ABCA1: variants seen among roughly 807,000 people sequenced by gnomAD.
ABCA1 encodes phospholipid-transporting ATPase ABCA1.
Under a neutral mutation model 262.5 loss-of-function variants are expected in ABCA1, and 133 were observed. The ratio of observed to expected loss-of-function variants is 0.51; its 90% confidence interval spans 0.44 to 0.59. The LOEUF (loss-of-function observed/expected upper bound fraction) is 0.59. Ranked by LOEUF, ABCA1 falls within the 20% of genes least tolerant of loss-of-function variation. The pLI, the probability that ABCA1 is intolerant of heterozygous loss-of-function variation, is 0.00. For missense variants in ABCA1, 2,452 were observed against 2,777.5 expected (o/e 0.88, Z 2.63); for synonymous variants, 1,022 against 1,043.5 (o/e 0.98, Z 0.40).
chr9:104,794,597 A>G (rs1415282301), intron 39 of ABCA1, 87 bp from the exon 40 acceptor site: 1 of 1,501,628 alleles, frequency 6.7e-7, no homozygotes. Flanking sequence ...AAAATGTATC[A>G]AGTTCTGAAA....
At chr9:104,840,828 T>C (rs1355005742) in intron 8 of ABCA1, among the ~76,000 whole-genome samples, 1 of 152,168 alleles carries the variant, frequency 6.6e-6, no homozygotes, top group African/African-American at 2.4e-5. Flanking sequence ...GCCCAGGTGA[T>C]TCCTATGCTC....
chr9:104,819,633 G>C lies in ABCA1; in HGVS notation c.3194C>G (p.Pro1065Arg), dbSNP rs1832113331. The C allele has an allele frequency of 6.2e-7, 1 of 1,614,190 alleles. No homozygotes were observed. The highest frequency in any genetic ancestry group is 8.5e-7 in the Non-Finnish European group (1 of 1,180,030). Residue 1065 changes from proline (P) to arginine (R), a missense_variant, in exon 22 of 50, where the codon CCT (proline) becomes CGT (arginine). This residue lies in a region of ABCA1 where 665 missense variants were observed against 727.3 expected (regional missense o/e 0.91). Transcript: ENST00000374736. ...ILDEPTAGVD[P>R]YSRRGIWELL... Reference sequence around the variant, plus strand: ...CTCCCATATTCCCCTGCGGGAGTAAGGGTCCACACCAGCTGTGGGTTCATC... The same window carrying C: ...CTCCCATATTCCCCTGCGGGAGTAACGGTCCACACCAGCTGTGGGTTCATC...
chr9:104,810,856 C>T lies in ABCA1; in HGVS notation c.4119G>A (p.Lys1373=). 16 of 1,614,238 alleles carry T rather than the reference C, an allele frequency of 9.9e-6. No homozygotes were observed. Among genetic ancestry groups the T allele is most frequent in the Non-Finnish European group, 1.4e-5 (16 of 1,180,044 alleles). ...VFSLIVPPFG[K]YPSLELQPWM... is the part of the protein sequence containing the mutation. ...AGGGCTGAAGTTCCAGGCTGGGGTACTTGCCAAAGGGTGGCACGATCAGGC... is the reference window on the plus strand; with the variant it reads ...AGGGCTGAAGTTCCAGGCTGGGGTATTTGCCAAAGGGTGGCACGATCAGGC... Residue 1373 remains lysine (K), a synonymous_variant, in exon 29 of 50, where the codon AAG becomes AAA. Transcript: ENST00000374736.
chr9:104,801,899 G>T (rs994588937), intron 34 of ABCA1, among the ~76,000 whole-genome samples, 155 bp downstream of exon 34: 1 of 152,136 alleles, frequency 6.6e-6, no homozygotes, highest in Non-Finnish European at 1.5e-5. Flanking sequence ...ATTCAGTTTT[G>T]TCTGGCTCAA....
chr9:104,795,093 G>A (rs1407595094), intron 39 of ABCA1, among the ~76,000 whole-genome samples: 1 of 152,212 alleles, frequency 6.6e-6, no homozygotes, highest in African/African-American at 2.4e-5. Context: ...TTGTACTGGA[G>A]GCATGGACTA....
intron 6 of ABCA1, among the ~76,000 whole-genome samples, chr9:104,859,742 T>G (rs1305803015): frequency 6.6e-6 from 1 of 152,178 alleles, no homozygotes; most frequent in African/African-American, 2.4e-5. Context: ...CTACAGTTAG[T>G]GTCTATGTTT....
chr9:104,904,704 T>C (rs1033189396), intron 1 of ABCA1, among the ~76,000 whole-genome samples: 24 of 152,004 alleles, frequency 1.6e-4, no homozygotes, highest in Non-Finnish European at 2.8e-4. Flanking sequence ...ACCCTAGCGC[T>C]GTGTCTCTGG....
chr9:104,918,129 C>G (rs1841948635), intron 1 of ABCA1, among the ~76,000 whole-genome samples: 1 of 147,936 alleles, frequency 6.8e-6, no homozygotes. Flanking sequence ...TGTTCCATCA[C>G]CCACGGTCTG....
chr9:104,812,821 T>C, intron 27 of ABCA1, 99 bp from the exon 28 acceptor site: 1 of 1,472,090 alleles, frequency 6.8e-7, no homozygotes. Flanking sequence ...CTTGAAGGCA[T>C]GTGTCTGAAG....
At chr9:104,787,680 T>C (rs762531201) in intron 46 of ABCA1, 1 of 196,342 alleles carries the variant, frequency 5.1e-6, no homozygotes, top group Non-Finnish European at 9.2e-6. Flanking sequence ...ATATCCAGCC[T>C]CAATCACGCT....
In ABCA1 at chr9:104,810,862, A is replaced by G; in HGVS notation, c.4113T>C (p.Phe1371=). The G allele has an allele frequency of 5.6e-6, 9 of 1,614,246 alleles. No homozygotes were observed. Among genetic ancestry groups the G allele is most frequent in the Non-Finnish European group, 7.6e-6 (9 of 1,180,044 alleles). Residue 1371 remains phenylalanine, a synonymous_variant, in exon 29 of 50, where the codon TTT becomes TTC. Transcript: ENST00000374736. ...ALVFSLIVPP[F]GKYPSLELQP... ...GAAGTTCCAGGCTGGGGTACTTGCC[A>G]AAGGGTGGCACGATCAGGCTGAACA...
Position 104,792,776 on chromosome 9 carries a change from A to ACT in ABCA1, c.5757+8_5757+9dup. The ACT allele has an allele frequency of 6.2e-7, 1 of 1,613,930 alleles. No homozygotes were observed. Among genetic ancestry groups the ACT allele is most frequent in the East Asian group, 2.2e-5 (1 of 44,852 alleles). The stretch of plus-strand genomic sequence containing the variant: ...CTGAAGATGAGCTATTGTAACCTGT[A>ACT]CTCTCTCACCTTCGTCAACTCCTTG... On this transcript the variant is annotated intron_variant, in intron 42 of 49. Coordinates refer to ENST00000374736, the MANE Select transcript of ABCA1 (RefSeq NM_005502.4).
intron 7 of ABCA1, among the ~76,000 whole-genome samples, chr9:104,850,210 C>T (rs533459555): frequency 6.6e-6 from 1 of 152,282 alleles, no homozygotes; most frequent in South Asian, 2.1e-4. Flanking sequence ...CAACCTCCCC[C>T]TCCTGGGTTC....
At position 104,850,292 on chromosome 9, in the gene ABCA1, T is replaced by A. The variant is rs181432477; in HGVS notation, c.721-4723A>T. Among the ~76,000 whole-genome samples the A allele has an allele frequency of 1.1e-4, 17 of 152,320 alleles. No homozygotes were observed. In the East Asian group the frequency reaches 3.1e-3, roughly 28 times the overall value. ...GCACGCCACCATGCCTGGCTAATTC[T>A]TGTATTTTCAGTAGAGGCAGTGTTT... On this transcript the variant is annotated intron_variant, in intron 7 of 49. Transcript: ENST00000374736.
intron 36 of ABCA1, chr9:104,799,394 T>TCACACACACACACACACACACACACACA (rs3983647): frequency 1.0e-5 from 5 of 491,358 alleles, no homozygotes; most frequent in Non-Finnish European, 5.1e-6. Context: ...GCTTTAAACT[T>TCACACACACACACACACACACACACACA]CACACACACA....
At chr9:104,870,121 A>T (rs1377297780) in intron 5 of ABCA1, among the ~76,000 whole-genome samples, 1 of 109,076 alleles carries the variant, frequency 9.2e-6, no homozygotes, top group Admixed American at 9.0e-5. Flanking sequence ...TTAGGAAGCC[A>T]GAGTCTTCTC....
At chr9:104,909,245 G>A (rs1233451840) in intron 1 of ABCA1, among the ~76,000 whole-genome samples, 1 of 152,172 alleles carries the variant, frequency 6.6e-6, no homozygotes, top group East Asian at 1.9e-4. Flanking sequence ...TGCCAGGTGT[G>A]TTCCATACCT....
intron 8 of ABCA1, among the ~76,000 whole-genome samples, chr9:104,843,532 C>T (rs1358634536): frequency 2.0e-5 from 3 of 152,190 alleles, no homozygotes; most frequent in Non-Finnish European, 4.4e-5. Context: ...GGGTTTGAAT[C>T]CCAGTTTTGT....
At chr9:104,898,778 A>G (rs2777784) in intron 2 of ABCA1, among the ~76,000 whole-genome samples, 71,115 of 151,558 alleles carry the variant, frequency 0.47, 18,503 homozygotes, top group African/African-American at 0.71. Context: ...CCTATCTCTA[A>G]GCCTCTGATC....
Sources: gnomAD v4.1 joint callset for allele counts (sites outside exome capture counted in the v4.1 genomes callset) on GRCh38, gnomAD v4.1.1 for gene constraint, gnomAD v4.1.1 regional missense constraint, MANE v1.5 for transcripts, NCBI Gene and HGNC (gene_info 2026-07-23, HGNC 2026-07-21) for gene names.